The following PRKCA variants were observed in gnomAD, a reference collection of about 807,000 sequenced individuals.
PRKCA encodes the protein protein kinase C alpha.
In PRKCA, 27 loss-of-function variants were observed where a neutral mutation model predicts 87.0. The observed-to-expected ratio is 0.31, with a 90% CI of 0.23 to 0.43. The LOEUF (loss-of-function observed/expected upper bound fraction) is 0.43, where lower values mean the gene tolerates loss of function less well. Among genes scored for constraint, PRKCA ranks in the 20% least tolerant of loss-of-function variants. The pLI is 1.00. For missense variants in PRKCA, 518 were observed against 852.3 expected (o/e 0.61, Z 4.88); for synonymous variants, 329 against 311.1 (o/e 1.06, Z -0.61).
chr17:66,559,411 G>T (rs1057327737), intron 3 of PRKCA, among the ~76,000 whole-genome samples: 1 of 140,120 alleles, frequency 7.1e-6, no homozygotes, highest in African/African-American at 2.7e-5. Context: ...GGAGGTGGAG[G>T]TTGCAGTGAG....
chr17:66,538,021 G>T (rs948184177), intron 3 of PRKCA, among the ~76,000 whole-genome samples: 7 of 152,106 alleles, frequency 4.6e-5, no homozygotes, highest in Non-Finnish European at 8.8e-5. Context: ...TGCCTAAGCT[G>T]GTCTCCTGAG....
intron 2 of PRKCA, among the ~76,000 whole-genome samples, chr17:66,457,853 T>C (rs1353905195): frequency 6.6e-6 from 1 of 152,170 alleles, no homozygotes; most frequent in Admixed American, 6.5e-5. Context: ...GGTATGTCTT[T>C]TTTAGCAGCA....
At chr17:66,499,064 T>C (rs1319476102) in intron 3 of PRKCA, among the ~76,000 whole-genome samples, 1 of 152,160 alleles carries the variant, frequency 6.6e-6, no homozygotes, top group Non-Finnish European at 1.5e-5. Flanking sequence ...CAGTGTGAGA[T>C]GCCTGACGCT....
At chr17:66,474,759 A>G (rs921044443) in intron 2 of PRKCA, among the ~76,000 whole-genome samples, 1 of 152,166 alleles carries the variant, frequency 6.6e-6, no homozygotes, top group Non-Finnish European at 1.5e-5. Context: ...ATGTGGTTGA[A>G]TTCGGTAGTT....
intron 3 of PRKCA, among the ~76,000 whole-genome samples, chr17:66,510,999 T>C (rs1917202912): frequency 6.6e-6 from 1 of 152,102 alleles, no homozygotes; most frequent in South Asian, 2.1e-4. Flanking sequence ...TGCCCACCCC[T>C]GCTCCCCAAA....
chr17:66,527,426 A>G (rs1031471637), intron 3 of PRKCA, among the ~76,000 whole-genome samples: 5 of 152,242 alleles, frequency 3.3e-5, no homozygotes, highest in African/African-American at 1.2e-4. Context: ...TGAGGGAGCC[A>G]GTTGCTACTT....
At chr17:66,780,532 T>C (rs576866899) in intron 14 of PRKCA, among the ~76,000 whole-genome samples, 152 of 151,772 alleles carry the variant, frequency 1.0e-3, no homozygotes, top group Non-Finnish European at 1.9e-3. Flanking sequence ...AAAAATTAGT[T>C]GGGCGTGGTG....
chr17:66,594,443 T>G (rs1466358052), intron 3 of PRKCA, among the ~76,000 whole-genome samples: 1 of 152,266 alleles, frequency 6.6e-6, no homozygotes, highest in South Asian at 2.1e-4. Flanking sequence ...ATTTTTAGAT[T>G]GGTGATCAGT....
chr17:66,742,340 T>C (rs531488291), intron 12 of PRKCA, among the ~76,000 whole-genome samples: 10 of 152,340 alleles, frequency 6.6e-5, no homozygotes, highest in South Asian at 2.1e-4. Flanking sequence ...ACGTGCTCAA[T>C]TGGAATCTCT....
At chr17:66,548,156 C>G (rs930965263) in intron 3 of PRKCA, among the ~76,000 whole-genome samples, 2 of 152,082 alleles carry the variant, frequency 1.3e-5, no homozygotes, top group African/African-American at 4.8e-5. Context: ...TCCTTGAAGT[C>G]GACAGTGGAA....
At chr17:66,587,547 A>T (rs922209190) in intron 3 of PRKCA, among the ~76,000 whole-genome samples, 1 of 151,982 alleles carries the variant, frequency 6.6e-6, no homozygotes. Context: ...GATTGCTTCC[A>T]CATTTCTGCT....
chr17:66,700,392 A>G (rs1454511160), intron 8 of PRKCA, among the ~76,000 whole-genome samples: 2 of 152,240 alleles, frequency 1.3e-5, no homozygotes, highest in African/African-American at 4.8e-5. Context: ...CAGATCATGA[A>G]CAAAATGAGG....
intron 2 of PRKCA, among the ~76,000 whole-genome samples, chr17:66,380,487 C>T (rs896513319): frequency 1.3e-5 from 2 of 152,116 alleles, no homozygotes; most frequent in African/African-American, 4.8e-5. Flanking sequence ...TTATAAACTG[C>T]TTACTGTTAT....
chr17:66,446,014 G>A (rs561063667), intron 2 of PRKCA, among the ~76,000 whole-genome samples: 13 of 152,036 alleles, frequency 8.6e-5, no homozygotes, highest in South Asian at 2.1e-4. Context: ...GGGTTTTGCC[G>A]TGTTGCCCAG....
intron 3 of PRKCA, among the ~76,000 whole-genome samples, chr17:66,532,866 A>G (rs1967614276): frequency 2.0e-5 from 3 of 152,190 alleles, no homozygotes; most frequent in African/African-American, 7.2e-5. Flanking sequence ...GTTTATTCCC[A>G]GCAGCTGATC....
chr17:66,572,296 A>G (rs989170082), intron 3 of PRKCA, among the ~76,000 whole-genome samples: 4 of 152,048 alleles, frequency 2.6e-5, no homozygotes, highest in Non-Finnish European at 5.9e-5. Context: ...GCAAAACCCC[A>G]TCTCTACTAA....
chr17:66,763,049 C>T (rs142138288), intron 13 of PRKCA, among the ~76,000 whole-genome samples: 2 of 152,346 alleles, frequency 1.3e-5, no homozygotes, highest in East Asian at 3.9e-4. Context: ...CCTTGGCCTC[C>T]CAAAGTGCTG....
At chr17:66,693,311 T>G (rs1376663392) in intron 8 of PRKCA, among the ~76,000 whole-genome samples, 1 of 152,196 alleles carries the variant, frequency 6.6e-6, no homozygotes, top group Non-Finnish European at 1.5e-5. Flanking sequence ...CTGTGGGCCT[T>G]TAATCTGTTC....
chr17:66,494,470 G>T (rs1916379240), intron 2 of PRKCA, among the ~76,000 whole-genome samples: 1 of 152,120 alleles, frequency 6.6e-6, no homozygotes, highest in African/African-American at 2.4e-5. Context: ...ACAAAAGGGG[G>T]CTCTACTCAC....
Sources: gnomAD v4.1 joint callset for allele counts (sites outside exome capture counted in the v4.1 genomes callset) on GRCh38, gnomAD v4.1.1 for gene constraint, MANE v1.5 for transcripts, NCBI Gene and HGNC (gene_info 2026-07-23, HGNC 2026-07-21) for gene names.